Variants in PLPP3 observed in about 807,000 individuals in gnomAD.
The protein encoded by PLPP3 is PAP2 beta.
In PLPP3, 6 loss-of-function variants were observed where a neutral mutation model predicts 29.6. The observed-to-expected ratio is 0.20, with a 90% CI of 0.11 to 0.40. The LOEUF is 0.40. PLPP3 is among the 10% of genes least tolerant of loss of function. PLPP3 has a pLI of 1.00. For missense variants in PLPP3, 308 were observed against 407.7 expected (o/e 0.76, Z 2.11); for synonymous variants, 152 against 159.7 (o/e 0.95, Z 0.36).
intron 2 of PLPP3, among the ~76,000 whole-genome samples, chr1:56,525,119 T>C (rs996259736): frequency 5.3e-5 from 8 of 152,160 alleles, no homozygotes; most frequent in Non-Finnish European, 1.0e-4. Context: ...CCTTCAGCAA[T>C]AATCTACATC....
chr1:56,506,801 G>GT lies in PLPP3; in HGVS notation c.810+5174dup, dbSNP rs932581245. ...GCTGGGAGAGCCAATATGAGCCTGTGTTTTTTTTTTATTCGTCTGTCTGTT... is the reference window on the plus strand; with the variant it reads ...GCTGGGAGAGCCAATATGAGCCTGTGTTTTTTTTTTTATTCGTCTGTCTGTT... On this transcript the variant is annotated intron_variant, in intron 5 of 5. Transcript: ENST00000371250. Among the ~76,000 whole-genome samples the GT allele has an allele frequency of 3.4e-3, 515 of 150,032 alleles. 1 individual carries two copies. The highest frequency in any genetic ancestry group is 0.012 in the African/African-American group (486 of 40,956).
intron 1 of PLPP3, chr1:56,538,412 C>T (rs1224887481): frequency 2.5e-5 from 9 of 365,260 alleles, no homozygotes; most frequent in East Asian, 2.1e-4. Flanking sequence ...AACACAGTGG[C>T]CTTTCAGCTG....
At chr1:56,498,448 C>T (rs1323817087) in intron 5 of PLPP3, among the ~76,000 whole-genome samples, 1 of 152,040 alleles carries the variant, frequency 6.6e-6, no homozygotes, top group African/African-American at 2.4e-5. Flanking sequence ...CAGGCCCAGC[C>T]CCAGCCCCAG....
At chr1:56,526,129 A>C (rs1029411777) in intron 2 of PLPP3, among the ~76,000 whole-genome samples, 1 of 152,216 alleles carries the variant, frequency 6.6e-6, no homozygotes, top group Non-Finnish European at 1.5e-5. Context: ...TCTAGCCAGC[A>C]TCTTGGCATA....
intron 1 of PLPP3, among the ~76,000 whole-genome samples, chr1:56,547,449 C>T (rs1572057): frequency 0.096 from 14,622 of 152,094 alleles, 878 homozygotes; most frequent in South Asian, 0.17. Context: ...TAATGCAATC[C>T]CCCAAAACAG....
intron 1 of PLPP3, among the ~76,000 whole-genome samples, chr1:56,547,341 C>T (rs1646012449): frequency 6.6e-6 from 1 of 152,162 alleles, no homozygotes; most frequent in African/African-American, 2.4e-5. Context: ...TCTGGAAGAC[C>T]TGGCCCCCTA....
chr1:56,514,043 T>C (rs1645764580), intron 4 of PLPP3, among the ~76,000 whole-genome samples: 1 of 151,046 alleles, frequency 6.6e-6, no homozygotes, highest in South Asian at 2.1e-4. Context: ...GCAAAATAAA[T>C]AAATAAATAA....
chr1:56,520,910 CAAAAAAAAAAAAAAA>C (rs1169318077), intron 4 of PLPP3, among the ~76,000 whole-genome samples: 6 of 61,910 alleles, frequency 9.7e-5, no homozygotes, highest in African/African-American at 4.5e-4. Flanking sequence ...GACTCCATCT[CAAAAAAAAAAAAAAA>C]AAAAAAAAAA....
At chr1:56,497,661 C>T (rs1007911405) in intron 5 of PLPP3, among the ~76,000 whole-genome samples, 1 of 152,222 alleles carries the variant, frequency 6.6e-6, no homozygotes, top group Non-Finnish European at 1.5e-5. Flanking sequence ...CTTTGTCCTG[C>T]AGATGGTAAT....
chr1:56,513,413 A>C (rs1422935190), intron 4 of PLPP3: 2 of 152,666 alleles, frequency 1.3e-5, no homozygotes, highest in Admixed American at 6.6e-5. Context: ...AGGAGAAGGG[A>C]AGAGAGCGGA....
rs1317720662 is a variant in PLPP3, at chr1:56,578,925, C to G, written c.92G>C (p.Ser31Thr). 6.2e-7 allele frequency: 1 copy of G among 1,605,228 alleles called. No individual in the cohort carries two copies. Among genetic ancestry groups the G allele is most frequent in the Non-Finnish European group, 8.5e-7 (1 of 1,176,858 alleles). The change falls in exon 1 of 6, where the codon AGC becomes ACC. Residue 31 changes from serine (S) to threonine (T), a missense_variant. By Grantham distance (58) the Ser-to-Thr change is moderately conservative. Around this residue, in one of 3 missense-constraint regions of PLPP3, gnomAD observed 67 missense variants for 61.3 expected, o/e 1.09. Transcript: ENST00000371250. ...GAGGCAGATGAGCAGCACCCGCTTG[C>G]TGCCGCTCCTCCTCGGGTTGTTGTT... The part of the protein sequence containing the change: ...ALNNNPRRSG[S>T]KRVLLICLDL...
At chr1:56,567,525 G>A (rs1397903506) in intron 1 of PLPP3, among the ~76,000 whole-genome samples, 3 of 149,354 alleles carry the variant, frequency 2.0e-5, no homozygotes, top group African/African-American at 2.5e-5. Context: ...AGCCTCCCAC[G>A]TAGCTGGGAC....
chr1:56,525,804 C>A (rs997964563), intron 2 of PLPP3, among the ~76,000 whole-genome samples: 2 of 152,240 alleles, frequency 1.3e-5, no homozygotes, highest in South Asian at 2.1e-4. Flanking sequence ...ACAAGGGAAG[C>A]AATAGTCTGG....
intron 1 of PLPP3, among the ~76,000 whole-genome samples, chr1:56,558,259 A>C (rs10736393): frequency 0.84 from 127,352 of 152,170 alleles, 53,873 homozygotes; most frequent in Non-Finnish European, 0.9. Context: ...TTGGTTAATA[A>C]GCTCTGCTCA....
chr1:56,512,886 T>G (rs1364355129), intron 4 of PLPP3: 1 of 152,104 alleles, frequency 6.6e-6, no homozygotes, highest in African/African-American at 2.4e-5. Context: ...GATGACAACT[T>G]ACTTAACACA....
intron 4 of PLPP3, among the ~76,000 whole-genome samples, chr1:56,518,647 G>C (rs1331529393): frequency 6.6e-6 from 1 of 151,102 alleles, no homozygotes; most frequent in Non-Finnish European, 1.5e-5. Context: ...TTGGGAAGTA[G>C]GATATAGTAG....
At chr1:56,570,330 T>A (rs1000447825) in intron 1 of PLPP3, among the ~76,000 whole-genome samples, 3 of 152,226 alleles carry the variant, frequency 2.0e-5, no homozygotes, top group African/African-American at 7.2e-5. Flanking sequence ...CTACTTATTA[T>A]GACAAGGCGC....
intron 5 of PLPP3, among the ~76,000 whole-genome samples, chr1:56,507,666 C>T (rs1327988388): frequency 1.3e-5 from 2 of 152,106 alleles, no homozygotes; most frequent in Non-Finnish European, 1.5e-5. Context: ...CAAAGATGCC[C>T]GCATCCTAAG....
intron 1 of PLPP3, among the ~76,000 whole-genome samples, chr1:56,571,486 AG>A (rs1161539317): frequency 7.2e-5 from 11 of 152,320 alleles, no homozygotes; most frequent in African/African-American, 2.6e-4. Flanking sequence ...CAGCTCAAAA[AG>A]GCCTATTTTT....
Sources: gnomAD v4.1 joint callset for allele counts (sites outside exome capture counted in the v4.1 genomes callset) on GRCh38, gnomAD v4.1.1 for gene constraint, gnomAD v4.1.1 regional missense constraint, MANE v1.5 for transcripts, NCBI Gene and HGNC (gene_info 2026-07-23, HGNC 2026-07-21) for gene names.